PIGB: variants seen among roughly 807,000 people sequenced by gnomAD.
The protein encoded by PIGB is phosphatidylinositol glycan anchor biosynthesis class B.
PIGB carries 58 observed loss-of-function variants against 68.4 expected under a neutral mutation model. The observed-to-expected ratio is 0.85, with a 90% CI of 0.69 to 1.06. PIGB has a LOEUF of 1.06. Among genes scored for constraint, PIGB ranks in the 50% least tolerant of loss-of-function variants. The pLI, the probability that PIGB is intolerant of heterozygous loss-of-function variation, is 0.00. For synonymous variants in PIGB, 219 were observed against 220.5 expected (o/e 0.99, Z 0.06); for missense variants, 634 against 655.8 (o/e 0.97, Z 0.36).
At chr15:55,331,690 G>A (rs894272379) in intron 5 of PIGB, among the ~76,000 whole-genome samples, 6 of 151,918 alleles carry the variant, frequency 3.9e-5, no homozygotes, top group African/African-American at 7.3e-5. Flanking sequence ...TCCAGCCTGG[G>A]CAACAAGAGC....
chr15:55,321,094 A>G (rs1187543270), intron 2 of PIGB, among the ~76,000 whole-genome samples, 179 bp from the exon 3 acceptor site: 1 of 152,170 alleles, frequency 6.6e-6, no homozygotes, highest in Non-Finnish European at 1.5e-5. Context: ...ATATTGTTTT[A>G]TAAATGGAAA....
chr15:55,329,578 G>T (rs575107176), intron 4 of PIGB, 146 bp from the exon 5 acceptor site: 3 of 563,878 alleles, frequency 5.3e-6, no homozygotes, highest in Non-Finnish European at 9.1e-6. Context: ...TAAAAACGAC[G>T]TTTGGGCATG....
intron 3 of PIGB, among the ~76,000 whole-genome samples, chr15:55,325,020 T>A (rs1566947588): frequency 6.6e-6 from 1 of 152,136 alleles, no homozygotes; most frequent in East Asian, 1.9e-4. Flanking sequence ...TTAATGAAGT[T>A]TGCTTCAACA....
intron 2 of PIGB, among the ~76,000 whole-genome samples, chr15:55,320,811 A>G (rs2055147185): frequency 6.6e-6 from 1 of 152,182 alleles, no homozygotes. Flanking sequence ...ACTACTATAC[A>G]TATTTTCAGT....
chr15:55,321,646 CT>C (rs966940527), intron 3 of PIGB, among the ~76,000 whole-genome samples: 15,515 of 69,112 alleles, frequency 0.22, 471 homozygotes, highest in African/African-American at 0.35. Flanking sequence ...ATACTTCTTT[CT>C]TTTTTTTTTT....
At chr15:55,325,670 A>C (rs1264004177) in intron 3 of PIGB, among the ~76,000 whole-genome samples, 2 of 152,214 alleles carry the variant, frequency 1.3e-5, no homozygotes, top group East Asian at 1.9e-4. Flanking sequence ...TAATCCTAGC[A>C]CTTTGGGAGG....
intron 3 of PIGB, among the ~76,000 whole-genome samples, chr15:55,321,740 C>G (rs796341946): frequency 6.8e-6 from 1 of 147,598 alleles, no homozygotes; most frequent in Non-Finnish European, 1.5e-5. Flanking sequence ...ACAACCTCCA[C>G]CTCCCGGGTT....
chr15:55,320,516 T>C (rs972114337), intron 2 of PIGB, 106 bp downstream of exon 2: 1 of 1,003,596 alleles, frequency 1.0e-6, no homozygotes, highest in Non-Finnish European at 1.5e-6. Context: ...CTTCAGTAGA[T>C]AGTTTCCAAA....
intron 9 of PIGB, among the ~76,000 whole-genome samples, chr15:55,348,783 G>C (rs571543492): frequency 6.6e-6 from 1 of 152,242 alleles, no homozygotes; most frequent in South Asian, 2.1e-4. Flanking sequence ...TTCCAGTATA[G>C]CAGTACAAAC....
At position 55,340,814 on chromosome 15, in the gene PIGB, T is replaced by C. The variant is rs1449844716; in HGVS notation, c.1049T>C (p.Leu350Pro). 6.3e-7 allele frequency: 1 copy of C among 1,588,726 alleles called. No individual in the cohort carries two copies. Among genetic ancestry groups the C allele is most frequent in the South Asian group, 1.1e-5 (1 of 87,400 alleles). ...TTGGTGACTGTGCTGTGGACACTGC[T>C]TGTTTATAGGTAAGATTTTATTTGT... ...ILLVTVLWTLLVYSMLSHKEF... is the reference protein window; with the variant it reads ...ILLVTVLWTLPVYSMLSHKEF... The change falls in exon 8 of 12, where the codon CTT (leucine) becomes CCT (proline). Residue 350 changes from leucine (L) to proline (P), a missense_variant. Transcript: ENST00000164305.
At chr15:55,351,000 T>C in intron 10 of PIGB, 88 bp downstream of exon 10, 2 of 680,462 alleles carry the variant, frequency 2.9e-6, no homozygotes, top group Non-Finnish European at 2.5e-6. Flanking sequence ...TTTGAATTAA[T>C]TGGTCACTGA....
intron 3 of PIGB, among the ~76,000 whole-genome samples, chr15:55,325,282 C>T (rs1166167566): frequency 1.3e-5 from 2 of 152,028 alleles, no homozygotes; most frequent in Non-Finnish European, 2.9e-5. Flanking sequence ...GCCAAGATCG[C>T]ACCACTGCAC....
chr15:55,341,867 C>A, intron 9 of PIGB, 65 bp downstream of exon 9: 2 of 610,398 alleles, frequency 3.3e-6, no homozygotes, highest in Non-Finnish European at 2.6e-6. Flanking sequence ...AACACATCCT[C>A]ATTAAACTAT....
In PIGB at chr15:55,333,947, G is replaced by C. The variant is rs771150387; in HGVS notation, c.734G>C (p.Arg245Thr). The stretch of plus-strand genomic sequence containing the variant: ...ATTCTGTGGACACCTTTGCTCTTCA[G>C]ACATTTCTGTCAAGAACCAAGAAAG... ...AVILWTPLLFRHFCQEPRKLD... is the reference protein window; with the variant it reads ...AVILWTPLLFTHFCQEPRKLD... The change falls in exon 6 of 12, where the codon AGA (arginine) becomes ACA (threonine). Residue 245 changes from arginine to threonine, a missense_variant. Arg to Thr is a moderately conservative substitution (Grantham distance 71, BLOSUM62 -1). Transcript: ENST00000164305. The C allele has an allele frequency of 6.2e-7, 1 of 1,608,226 alleles. No homozygotes were observed. The highest frequency in any genetic ancestry group is 1.3e-5 in the African/African-American group (1 of 74,570).
rs746861070 is a variant in PIGB, at chr15:55,340,732, CACTT to C, written c.970_973del (p.Leu324ProfsTer9). The C allele has an allele frequency of 1.4e-5, 23 of 1,610,054 alleles. No homozygotes were observed. The highest frequency in any genetic ancestry group is 1.9e-5 in the Non-Finnish European group (22 of 1,177,548). ...AGGATTTCCAGTTATCTTGGGTACT[CACTT>C]ACCCTTCTTTATTCATGGCTGCTAT... On this transcript the variant is annotated frameshift_variant, in exon 8 of 12. Transcript: ENST00000164305. LOFTEE classifies it high-confidence loss of function.
intron 5 of PIGB, among the ~76,000 whole-genome samples, chr15:55,331,714 A>C (rs1240285603): frequency 1.3e-5 from 2 of 152,026 alleles, no homozygotes; most frequent in African/African-American, 4.8e-5. Context: ...ACTGTCTCAA[A>C]AAAAAAAAAT....
intron 9 of PIGB, chr15:55,343,120 A>G (rs559305559): frequency 9.8e-5 from 15 of 152,308 alleles, no homozygotes; most frequent in Admixed American, 8.5e-4. Flanking sequence ...TCTTCAATTT[A>G]AGAAGATAAA....
At position 55,319,245 on chromosome 15, in the gene PIGB, C is replaced by T; in HGVS notation, c.-6C>T. 3 of 1,602,560 alleles carry T rather than the reference C, an allele frequency of 1.9e-6. No individual in the cohort carries two copies. The African/African-American group carries it at 4.0e-5, about 21-fold the overall frequency. On this transcript the variant is annotated 5_prime_UTR_variant, in exon 1 of 12. Coordinates refer to ENST00000164305, the MANE Select transcript of PIGB (RefSeq NM_004855.5). ...TTCTTCCGCCTTAGGAAGGTGGCGG[C>T]CAGGGATGAGGAGGCCCCTAAGCAA...
chr15:55,336,145 C>T (rs2055530498), intron 6 of PIGB, among the ~76,000 whole-genome samples: 1 of 152,102 alleles, frequency 6.6e-6, no homozygotes, highest in Admixed American at 6.5e-5. Context: ...GTGGCTCACA[C>T]CTGTAATCCC....
Sources: allele counts gnomAD v4.1 joint callset (sites outside exome capture counted in the v4.1 genomes callset), GRCh38; gene constraint gnomAD v4.1.1; transcripts MANE v1.5; gene names NCBI Gene and HGNC (gene_info 2026-07-23, HGNC 2026-07-21).